CNTN5: variants seen among roughly 807,000 people sequenced by gnomAD.
CNTN5 encodes the protein contactin 5, also known as contactin-5.
In CNTN5, 77 loss-of-function variants were observed where a neutral mutation model predicts 129.1. That is an observed-to-expected ratio of 0.60 (90% CI 0.50 to 0.72). CNTN5 has a LOEUF of 0.72. Ranked by LOEUF, CNTN5 falls within the 30% of genes least tolerant of loss-of-function variation. CNTN5 has a pLI of 0.00. For missense variants in CNTN5, 1,478 were observed against 1,328.8 expected, an observed-to-expected ratio of 1.11 and a Z score of -1.75; for synonymous variants, 509 against 465.6, an observed-to-expected ratio of 1.09 and a Z score of -1.20.
At position 100,030,732 on chromosome 11, in the gene CNTN5, TTTAC is replaced by T. The variant is rs1470226655; in HGVS notation, c.980+28604_980+28607del. Among the ~76,000 whole-genome samples the T allele has an allele frequency of 5.3e-5, 8 of 152,298 alleles. No individual in the cohort carries two copies. In the South Asian group the frequency reaches 6.2e-4, roughly 12 times the overall value. ...GAAGTTTACTTAATGTCTTTTTCAG[TTTAC>T]TTACTTATAAAACACAAAAGATAAA... On this transcript the variant is annotated intron_variant, in intron 9 of 24. Transcript: ENST00000524871.
chr11:99,260,372 A>C (rs1284504700), intron 1 of CNTN5, among the ~76,000 whole-genome samples: 1 of 151,834 alleles, frequency 6.6e-6, no homozygotes, highest in Non-Finnish European at 1.5e-5. Flanking sequence ...TTAAAGATTT[A>C]GAACTTTCTT....
intron 2 of CNTN5, among the ~76,000 whole-genome samples, chr11:99,428,005 G>A (rs944653199): frequency 2.6e-5 from 4 of 151,780 alleles, no homozygotes; most frequent in African/African-American, 9.7e-5. Context: ...AAGACTTATA[G>A]AAATTTGTGA....
At chr11:99,557,873 A>G (rs1948723934) in intron 3 of CNTN5, among the ~76,000 whole-genome samples, 1 of 151,758 alleles carries the variant, frequency 6.6e-6, no homozygotes, top group South Asian at 2.1e-4. Flanking sequence ...ACCTGCACTC[A>G]TCTAAATGCT....
intron 9 of CNTN5, among the ~76,000 whole-genome samples, chr11:100,023,835 A>C (rs1047104927): frequency 6.6e-6 from 1 of 150,792 alleles, no homozygotes; most frequent in Admixed American, 6.7e-5. Flanking sequence ...TCATGGCTTG[A>C]TAGCTAATTT....
chr11:99,128,843 C>T (rs945530231), intron 1 of CNTN5, among the ~76,000 whole-genome samples: 1 of 152,112 alleles, frequency 6.6e-6, no homozygotes, highest in Non-Finnish European at 1.5e-5. Flanking sequence ...AGTAGACCCC[C>T]AGCACACTGC....
At chr11:100,220,561 G>T (rs1237795487) in intron 15 of CNTN5, among the ~76,000 whole-genome samples, 2 of 152,046 alleles carry the variant, frequency 1.3e-5, no homozygotes, top group South Asian at 4.1e-4. Flanking sequence ...GGAAAATATT[G>T]ATACCCAGTT....
intron 3 of CNTN5, among the ~76,000 whole-genome samples, chr11:99,712,318 A>T (rs1291288140): frequency 2.6e-5 from 4 of 151,932 alleles, no homozygotes; most frequent in African/African-American, 9.7e-5. Context: ...CCACTTTTTG[A>T]TGGGGTTGTT....
At chr11:99,489,952 G>T (rs1945971626) in intron 2 of CNTN5, among the ~76,000 whole-genome samples, 1 of 152,226 alleles carries the variant, frequency 6.6e-6, no homozygotes, top group East Asian at 1.9e-4. Context: ...TGAAACAAGT[G>T]CCTTGATCTT....
chr11:100,228,013 A>G (rs1243753214), intron 16 of CNTN5, among the ~76,000 whole-genome samples: 1 of 152,192 alleles, frequency 6.6e-6, no homozygotes, highest in East Asian at 1.9e-4. Context: ...TAATGTTAGA[A>G]GTATGTTTTC....
At chr11:99,892,587 C>G (rs1405601932) in intron 6 of CNTN5, among the ~76,000 whole-genome samples, 1 of 152,022 alleles carries the variant, frequency 6.6e-6, no homozygotes, top group Admixed American at 6.6e-5. Flanking sequence ...ATAGGGAATC[C>G]TTTCCCCATT....
At chr11:99,238,984 CT>C (rs370849897) in intron 1 of CNTN5, among the ~76,000 whole-genome samples, 3 of 151,900 alleles carry the variant, frequency 2.0e-5, no homozygotes, top group African/African-American at 7.3e-5. Context: ...CTAGATATAA[CT>C]TTTTGACTCT....
chr11:99,726,883 A>G (rs1480084738), intron 3 of CNTN5, among the ~76,000 whole-genome samples: 4 of 152,194 alleles, frequency 2.6e-5, no homozygotes, highest in Admixed American at 6.5e-5. Flanking sequence ...TGTAAATTCT[A>G]TCCTTAAAAG....
At chr11:100,098,554 C>G (rs1945098356) in intron 13 of CNTN5, among the ~76,000 whole-genome samples, 1 of 152,062 alleles carries the variant, frequency 6.6e-6, no homozygotes, top group Non-Finnish European at 1.5e-5. Context: ...CTTGCAGGAA[C>G]ACTACTCATT....
At chr11:99,524,771 C>G (rs570640790) in intron 2 of CNTN5, among the ~76,000 whole-genome samples, 1 of 151,924 alleles carries the variant, frequency 6.6e-6, no homozygotes, top group African/African-American at 2.4e-5. Flanking sequence ...CCACTGCACT[C>G]CAGCCTGGGC....
intron 13 of CNTN5, among the ~76,000 whole-genome samples, chr11:100,161,083 G>T (rs145946699): frequency 6.6e-6 from 1 of 151,978 alleles, no homozygotes; most frequent in Non-Finnish European, 1.5e-5. Flanking sequence ...ATGCAATTGT[G>T]TAAAGAACAC....
At chr11:99,773,508 AC>A (rs2135347684) in intron 3 of CNTN5, among the ~76,000 whole-genome samples, 1 of 152,200 alleles carries the variant, frequency 6.6e-6, no homozygotes, top group South Asian at 2.1e-4. Context: ...TTAAATACTA[AC>A]CTAGGGTATG....
chr11:99,284,924 G>T (rs1162864941), intron 1 of CNTN5, among the ~76,000 whole-genome samples: 2 of 151,838 alleles, frequency 1.3e-5, no homozygotes, highest in Non-Finnish European at 2.9e-5. Context: ...CCTTGCTTTT[G>T]GTTAATTGTT....
chr11:99,823,951 A>G (rs1032830459), intron 4 of CNTN5, among the ~76,000 whole-genome samples: 7 of 152,040 alleles, frequency 4.6e-5, no homozygotes, highest in African/African-American at 1.7e-4. Context: ...CCTTTTCTGG[A>G]TCAACATTAT....
intron 2 of CNTN5, among the ~76,000 whole-genome samples, chr11:99,543,485 C>A (rs1308373417): frequency 6.6e-6 from 1 of 152,148 alleles, no homozygotes; most frequent in Admixed American, 6.6e-5. Flanking sequence ...CATAACTCTG[C>A]TAGACTTACT....
Sources: allele counts gnomAD v4.1 joint callset (sites outside exome capture counted in the v4.1 genomes callset), GRCh38; gene constraint gnomAD v4.1.1; transcripts MANE v1.5; gene names NCBI Gene and HGNC (gene_info 2026-07-23, HGNC 2026-07-21).